TIGD2: variants seen among roughly 807,000 people sequenced by gnomAD.
TIGD2 encodes the protein tigger transposable element-derived protein 2.
TIGD2 carries 14 observed loss-of-function variants against 27.0 expected under a neutral mutation model. That is an observed-to-expected ratio of 0.52 (90% CI 0.34 to 0.81). The LOEUF (loss-of-function observed/expected upper bound fraction) is 0.81, where lower values mean the gene tolerates loss of function less well. Among genes scored for constraint, TIGD2 ranks in the 30% least tolerant of loss-of-function variants. TIGD2 has a pLI of 0.01. For synonymous variants in TIGD2, 201 were observed against 209.0 expected (o/e 0.96, Z 0.33); for missense variants, 590 against 617.3 (o/e 0.96, Z 0.47).
Position 89,114,849 on chromosome 4 carries a change from A to T in TIGD2, c.*297A>T, listed in dbSNP as rs1044503088. 5 of 273,988 alleles carry T rather than the reference A, an allele frequency of 1.8e-5. No homozygotes were observed. The Admixed American group carries it at 2.5e-4, about 13-fold the overall frequency. The allele number at this position is 273,988 out of a possible 1,614,324, so 17.0% of individuals were successfully genotyped here. On this transcript the variant is annotated 3_prime_UTR_variant, in exon 2 of 2. Coordinates refer to ENST00000603357, the MANE Select transcript of TIGD2 (RefSeq NM_145715.3). ...AATTTGGCGTGTCTAATAAAGGCCC[A>T]TGCACACTATAGGCACTCAATAAAA... is the stretch of plus-strand genomic sequence containing the variant.
At position 89,112,886 on chromosome 4, in the gene TIGD2, T is replaced by TA; in HGVS notation, c.-88dup. 7 of 1,198,316 alleles carry TA rather than the reference T, an allele frequency of 5.8e-6. No individual in the cohort carries two copies. The highest frequency in any genetic ancestry group is 8.2e-6 in the Non-Finnish European group (7 of 853,472). The allele number at this position is 1,198,316 out of a possible 1,614,324, so 74.2% of individuals were successfully genotyped here. A position where few individuals can be genotyped will look rare whatever the true frequency, so the allele number is the denominator to read the frequency against. On this transcript the variant is annotated 5_prime_UTR_variant, in exon 2 of 2. Coordinates refer to ENST00000603357, the MANE Select transcript of TIGD2 (RefSeq NM_145715.3). ...GCCCTAGAAGTGAGAGGAGGAATCT[T>TA]ACGAACTCATTTTCTAGTTGCTTTG...
chr4:89,113,711 C>G lies in TIGD2; in HGVS notation c.737C>G (p.Pro246Arg). ...AAAGGCACTGACCTTTCAAACCTTC[C>G]TGTGACATATTACAGTCAAAAAGGT... ...AFKGTDLSNLPVTYYSQKGAW... is the reference protein window; with the variant it reads ...AFKGTDLSNLRVTYYSQKGAW... Residue 246 changes from proline (P) to arginine (R), a missense_variant, in exon 2 of 2, where the codon CCT becomes CGT. Physicochemically the swap from Pro to Arg is moderately radical, Grantham distance 103. Coordinates refer to ENST00000603357, the MANE Select transcript of TIGD2 (RefSeq NM_145715.3). 1 of 1,614,174 alleles carries G rather than the reference C, an allele frequency of 6.2e-7. No homozygotes were observed. Among genetic ancestry groups the G allele is most frequent in the South Asian group, 1.1e-5 (1 of 91,082 alleles).
Sources: allele counts gnomAD v4.1 joint callset, GRCh38; gene constraint gnomAD v4.1.1; transcripts MANE v1.5; gene names NCBI Gene and HGNC (gene_info 2026-07-23, HGNC 2026-07-21).